Variants in PRDM12 observed in about 807,000 individuals in gnomAD.
PRDM12 encodes PR domain zinc finger protein 12.
In PRDM12, 17 loss-of-function variants were observed where a neutral mutation model predicts 29.6. The ratio of observed to expected loss-of-function variants is 0.57; its 90% CI spans 0.39 to 0.86. The LOEUF (loss-of-function observed/expected upper bound fraction) is 0.86. Among genes scored for constraint, PRDM12 ranks in the 40% least tolerant of loss-of-function variants. The pLI is 0.00. For synonymous variants in PRDM12, 231 were observed against 225.8 expected (o/e 1.02, Z -0.21); for missense variants, 422 against 510.8 (o/e 0.83, Z 1.68).
intron 2 of PRDM12, 93 bp downstream of exon 2, chr9:130,666,891 C>T (rs1830739046): frequency 3.4e-6 from 5 of 1,467,512 alleles, no homozygotes; most frequent in East Asian, 4.9e-5. Flanking sequence ...CGCTTCCACC[C>T]GGGCTGAGAG....
chr9:130,666,769 A>C lies in PRDM12; in HGVS notation c.385A>C (p.Ile129Leu). 1.2e-6 allele frequency: 2 copies of C among 1,611,956 alleles called. No individual in the cohort carries two copies. ...GRVIAPEHVDICKNNNLMWEV... is the reference protein window; with the variant it reads ...GRVIAPEHVDLCKNNNLMWEV... ...CGTGATCGCCCCGGAGCACGTGGAC[A>C]TCTGCAAGAACAACAACCTCATGTG... Residue 129 changes from isoleucine (I) to leucine (L), a missense_variant, in exon 2 of 5, where the codon ATC becomes CTC. This residue lies in a region of PRDM12 where 300 missense variants were observed against 350.0 expected (regional missense o/e 0.86). Coordinates refer to ENST00000253008, the MANE Select transcript of PRDM12 (RefSeq NM_021619.3).
intron 4 of PRDM12, among the ~76,000 whole-genome samples, chr9:130,680,660 T>TATATATATATATA (rs1554753125): frequency 1.7e-3 from 85 of 49,292 alleles, no homozygotes; most frequent in Non-Finnish European, 2.5e-3. Flanking sequence ...TATATATATA[T>TATATATATATATA]TTTTTTTTTT....
chr9:130,665,125 C>T (rs1830719700), intron 1 of PRDM12, among the ~76,000 whole-genome samples: 1 of 152,198 alleles, frequency 6.6e-6, no homozygotes, highest in South Asian at 2.1e-4. Context: ...CCCGACGCCC[C>T]CGCCGGCCCC....
chr9:130,668,531 G>T lies in PRDM12; in HGVS notation c.570+218G>T, dbSNP rs1263242317. Among the ~76,000 whole-genome samples the T allele has an allele frequency of 6.6e-6, 1 of 152,220 alleles. No homozygotes were observed. The highest frequency in any genetic ancestry group is 1.5e-5 in the Non-Finnish European group (1 of 68,036). ...CCTCCATGGGAAGCTTTCTGCTGCA[G>T]ATCAGAAATGATGGAGCTCTCAACT... On this transcript the variant is annotated intron_variant, in intron 3 of 4. Coordinates refer to ENST00000253008, the MANE Select transcript of PRDM12 (RefSeq NM_021619.3). The surrounding 1 kb of genome is among the most constrained non-coding windows in gnomAD (Gnocchi z 4.0).
chr9:130,671,126 C>T (rs191253131), intron 3 of PRDM12, among the ~76,000 whole-genome samples: 10 of 152,278 alleles, frequency 6.6e-5, no homozygotes, highest in Admixed American at 2.0e-4. Flanking sequence ...GGATGAATCA[C>T]CTGAGGTCAG....
chr9:130,674,044 T>A (rs1830813985), intron 3 of PRDM12, among the ~76,000 whole-genome samples: 1 of 128,580 alleles, frequency 7.8e-6, no homozygotes, highest in Admixed American at 8.2e-5. Flanking sequence ...AGACAGAGTC[T>A]TGCTCTGTCT....
Position 130,681,486 on chromosome 9 carries a change from C to T in PRDM12, c.921C>T (p.Ala307=), listed in dbSNP as rs1172044213. ...RPYKCQVCQS[A]YSQLAGLRAH... ...ACAAGTGCCAGGTGTGCCAGAGCGC[C>T]TACTCGCAGCTGGCCGGCCTGCGCG... is the stretch of plus-strand genomic sequence containing the variant. Residue 307 remains alanine, a synonymous_variant, in exon 5 of 5, where the codon GCC becomes GCT. Coordinates refer to ENST00000253008, the MANE Select transcript of PRDM12 (RefSeq NM_021619.3). This position sits in a 1 kb window ranked among gnomAD's most constrained non-coding sequence, Gnocchi z 8.1. 6.6e-7 allele frequency: 1 copy of T among 1,518,096 alleles called. No individual in the cohort carries two copies. Among genetic ancestry groups the T allele is most frequent in the Non-Finnish European group, 8.8e-7 (1 of 1,133,042 alleles). The allele number at this position is 1,518,096 out of a possible 1,614,324, so 94.0% of individuals were successfully genotyped here. A position where few individuals can be genotyped will look rare whatever the true frequency, so the allele number is the denominator to read the frequency against.
intron 2 of PRDM12, among the ~76,000 whole-genome samples, chr9:130,667,126 C>G (rs1311322886): frequency 6.6e-6 from 1 of 152,260 alleles, no homozygotes; most frequent in African/African-American, 2.4e-5. Flanking sequence ...CGCGCCATCC[C>G]TCCAGGCCTC....
Position 130,681,618 on chromosome 9 carries a change from C to CGCG in PRDM12, c.1055_1056insGGC (p.Ala359dup), listed in dbSNP as rs979373020. The CGCG allele has an allele frequency of 1.1e-6, 1 of 934,596 alleles. No homozygotes were observed. The highest frequency in any genetic ancestry group is 1.3e-6 in the Non-Finnish European group (1 of 793,644). 57.9% of individuals were successfully genotyped at this position (934,596 alleles called of 1,614,324 possible). A position where few individuals can be genotyped will look rare whatever the true frequency, so the allele number is the denominator to read the frequency against. ...ACGCGCCCGCGCTCGCCGCCGCCGC[C>CGCG]GCCGCCGCCGCCGCCGCCGCCGCGC... On this transcript the variant is annotated inframe_insertion, in exon 5 of 5. Transcript: ENST00000253008. This position sits in a 1 kb window ranked among gnomAD's most constrained non-coding sequence, Gnocchi z 8.1.
chr9:130,668,454 G>T lies in PRDM12; in HGVS notation c.570+141G>T. 1 of 1,369,536 alleles carries T rather than the reference G, an allele frequency of 7.3e-7. No individual in the cohort carries two copies. Among genetic ancestry groups the T allele is most frequent in the Non-Finnish European group, 1.0e-6 (1 of 1,003,568 alleles). The allele number at this position is 1,369,536 out of a possible 1,614,324, so 84.8% of individuals were successfully genotyped here. On this transcript the variant is annotated intron_variant, in intron 3 of 4. Coordinates refer to ENST00000253008, the MANE Select transcript of PRDM12 (RefSeq NM_021619.3). This position sits in a 1 kb window ranked among gnomAD's most constrained non-coding sequence, Gnocchi z 4.0. ...CCTCGCTGGCTCTGCGCAGGCCATG[G>T]GGCTGTGGCAGACAGGTGGGTCTCC... is the stretch of plus-strand genomic sequence containing the variant.
intron 2 of PRDM12, 48 bp downstream of exon 2, chr9:130,666,846 T>A (rs1332477390): frequency 6.5e-7 from 1 of 1,542,954 alleles, no homozygotes; most frequent in East Asian, 2.4e-5. Context: ...CGAGGGGCGC[T>A]GGTCGCGGGT....
In PRDM12 at chr9:130,678,648, T is replaced by C. The variant is rs1202952633; in HGVS notation, c.682+8T>C. On this transcript the variant is annotated splice_region_variant and intron_variant, in intron 4 of 4. Transcript: ENST00000253008. ...AGAAAAAGAACAAGCATGGTAGGTG[T>C]TCCCCATGGGGCCGCTGAGACACAG... 4.1e-5 allele frequency: 65 copies of C among 1,590,710 alleles called. No individual in the cohort carries two copies. Among genetic ancestry groups the C allele is most frequent in the Non-Finnish European group, 5.6e-5 (65 of 1,159,886 alleles).
At chr9:130,671,733 C>T (rs749753533) in intron 3 of PRDM12, among the ~76,000 whole-genome samples, 2 of 152,148 alleles carry the variant, frequency 1.3e-5, no homozygotes, top group Non-Finnish European at 2.9e-5. Flanking sequence ...CCAGGCCAAT[C>T]CCTGGATGAC....
rs1268500964 is a variant in PRDM12 at position 130,681,236 on chromosome 9, C to T, written c.683-12C>T. On this transcript the variant is annotated splice_polypyrimidine_tract_variant and intron_variant, in intron 4 of 4. Transcript: ENST00000253008. The surrounding 1 kb of genome is among the most constrained non-coding windows in gnomAD (Gnocchi z 8.1). ...GTCTCCCTTCCCCCGCCCCGCCCCGCCCCGCGGCCAGAGGACTTCCACCCG... is the reference window on the plus strand; with the variant it reads ...GTCTCCCTTCCCCCGCCCCGCCCCGTCCCGCGGCCAGAGGACTTCCACCCG... The T allele has an allele frequency of 6.9e-7, 1 of 1,452,508 alleles. No homozygotes were observed. 90.0% of individuals were successfully genotyped at this position (1,452,508 alleles called of 1,614,324 possible).
chr9:130,665,738 G>A (rs1272704887), intron 1 of PRDM12, among the ~76,000 whole-genome samples: 1 of 152,144 alleles, frequency 6.6e-6, no homozygotes, highest in African/African-American at 2.4e-5. Flanking sequence ...CAAATTGCCC[G>A]CCGCGCCGCA....
rs1247286672 is a variant in PRDM12, at chr9:130,680,655, A to AT, written c.683-592dup. Reference sequence around the variant, plus strand: ...AAAAAATATATATATATATATATATATATATTTTTTTTTTTTTTAACTGAT... The same window carrying AT: ...AAAAAATATATATATATATATATATATTATATTTTTTTTTTTTTTAACTGAT... On this transcript the variant is annotated intron_variant, in intron 4 of 4. Coordinates refer to ENST00000253008, the MANE Select transcript of PRDM12 (RefSeq NM_021619.3). Among the ~76,000 whole-genome samples, 703 of 85,464 alleles carry AT rather than the reference A, an allele frequency of 8.2e-3. 9 individuals carry two copies. Among genetic ancestry groups the AT allele is most frequent in the East Asian group, 0.021 (53 of 2,580 alleles). The allele number at this position is 85,464 out of a possible 152,430, so 56.1% of individuals were successfully genotyped here.
rs1013011077 is a variant in PRDM12, at chr9:130,666,628, C to T, written c.244C>T (p.Leu82=). The T allele has an allele frequency of 6.2e-7, 1 of 1,611,690 alleles. No homozygotes were observed. Among genetic ancestry groups the T allele is most frequent in the African/African-American group, 1.3e-5 (1 of 74,700 alleles). The change falls in exon 2 of 5, where the codon CTG becomes TTG. Residue 82 remains leucine (L), a synonymous_variant. Coordinates refer to ENST00000253008, the MANE Select transcript of PRDM12 (RefSeq NM_021619.3). The part of the protein sequence containing the change: ...FSGEVQKLSS[L]VLPAEVIIAQ... Reference sequence around the variant, plus strand: ...CGCAGAAGTGCAGAAGCTGTCCAGCCTGGTGCTGCCTGCGGAGGTGATCAT... The same window carrying T: ...CGCAGAAGTGCAGAAGCTGTCCAGCTTGGTGCTGCCTGCGGAGGTGATCAT...
At chr9:130,670,296 T>C (rs1418394215) in intron 3 of PRDM12, among the ~76,000 whole-genome samples, 1 of 152,074 alleles carries the variant, frequency 6.6e-6, no homozygotes, top group Non-Finnish European at 1.5e-5. Flanking sequence ...CTTGAAGCTC[T>C]TTCTAAGACC....
chr9:130,666,897 G>T, intron 2 of PRDM12, 99 bp downstream of exon 2: 1 of 1,448,500 alleles, frequency 6.9e-7, no homozygotes, highest in Non-Finnish European at 9.2e-7. Flanking sequence ...CACCCGGGCT[G>T]AGAGCGGCGG....
Sources: gnomAD v4.1 joint callset for allele counts (sites outside exome capture counted in the v4.1 genomes callset) on GRCh38, gnomAD v4.1.1 for gene constraint, gnomAD v4.1.1 regional missense constraint, Gnocchi (gnomAD v3.1) non-coding constraint, MANE v1.5 for transcripts, NCBI Gene and HGNC (gene_info 2026-07-23, HGNC 2026-07-21) for gene names.